ARMH4: variants seen among roughly 807,000 people sequenced by gnomAD.
ARMH4 encodes armadillo like helical domain containing 4.
ARMH4 carries 49 observed loss-of-function variants against 61.9 expected under a neutral mutation model. The observed-to-expected ratio is 0.79, with a 90% confidence interval of 0.63 to 1.00. The LOEUF is 1.00. Among genes scored for constraint, ARMH4 ranks in the 50% least tolerant of loss-of-function variants. The probability of loss-of-function intolerance (pLI) is 0.00; values close to 1 mark genes in which losing one functional copy is unlikely to be tolerated. For synonymous variants in ARMH4, 368 were observed against 341.5 expected (o/e 1.08, Z -0.85); for missense variants, 934 against 930.0 (o/e 1.00, Z -0.06).
At chr14:58,136,719 T>G (rs1887311951) in intron 2 of ARMH4, among the ~76,000 whole-genome samples, 1 of 152,198 alleles carries the variant, frequency 6.6e-6, no homozygotes, top group Non-Finnish European at 1.5e-5. Context: ...TACACTAAGC[T>G]TTTCCTTCCC....
intron 2 of ARMH4, among the ~76,000 whole-genome samples, chr14:58,133,949 T>G (rs570067628): frequency 6.6e-6 from 1 of 152,306 alleles, no homozygotes; most frequent in South Asian, 2.1e-4. Context: ...GAATGCAGGT[T>G]CCAGAGCCAA....
intron 5 of ARMH4, among the ~76,000 whole-genome samples, chr14:58,090,561 C>T (rs1331257529): frequency 1.3e-5 from 2 of 151,984 alleles, no homozygotes; most frequent in South Asian, 2.1e-4. Context: ...GGGGGATTCT[C>T]GAAAGGCTGC....
intron 4 of ARMH4, chr14:58,131,273 C>T (rs1887086226): frequency 2.2e-6 from 1 of 450,602 alleles, no homozygotes; most frequent in Non-Finnish European, 3.9e-6. Context: ...TTTTCTATGT[C>T]ACAAAATATT....
At chr14:58,096,116 A>G (rs1349867919) in intron 5 of ARMH4, among the ~76,000 whole-genome samples, 1 of 152,130 alleles carries the variant, frequency 6.6e-6, no homozygotes, top group Non-Finnish European at 1.5e-5. Flanking sequence ...AATAAGAGAG[A>G]GTGAGCATGG....
chr14:58,094,329 C>CAAAA lies in ARMH4; in HGVS notation c.2089+2391_2089+2394dup, dbSNP rs759288462. 1.7e-3 allele frequency among the ~76,000 whole-genome samples: 195 copies of CAAAA among 117,436 alleles called. 3 individuals are homozygous for CAAAA. The highest frequency in any genetic ancestry group is 4.8e-3 in the Middle Eastern group (1 of 208). The allele number at this position is 117,436 out of a possible 152,430, so 77.0% of individuals were successfully genotyped here. ...TGAGCAACAGAGTGAGACGCTTTCT[C>CAAAA]AAAAAAAAAAAAAAAGAACTTTAGC... On this transcript the variant is annotated intron_variant, in intron 5 of 7. Coordinates refer to ENST00000267485, the MANE Select transcript of ARMH4 (RefSeq NM_001001872.4).
At chr14:58,096,018 G>A (rs1455080836) in intron 5 of ARMH4, among the ~76,000 whole-genome samples, 1 of 152,290 alleles carries the variant, frequency 6.6e-6, no homozygotes, top group Non-Finnish European at 1.5e-5. Flanking sequence ...GGGACAGACT[G>A]GGGAGCTTCC....
At chr14:58,027,893 AC>A (rs1484408796) in intron 5 of ARMH4, among the ~76,000 whole-genome samples, 2 of 152,336 alleles carry the variant, frequency 1.3e-5, no homozygotes, top group East Asian at 3.9e-4. Context: ...CAAAGGCAGA[AC>A]TTTTCTGCCA....
At chr14:58,143,629 A>G (rs1887637027) in intron 1 of ARMH4, among the ~76,000 whole-genome samples, 1 of 151,640 alleles carries the variant, frequency 6.6e-6, no homozygotes, top group African/African-American at 2.4e-5. Context: ...ATGCCTGGCT[A>G]GTTTTTGTAT....
rs1215480933 is a variant in ARMH4, at chr14:58,001,514, C to A, written c.*3222G>T. Reference sequence around the variant, plus strand: ...CCACAGTGGCTATCCATTTTACATTCCCACCCACAGTATACAAGGATTCCA... The same window carrying A: ...CCACAGTGGCTATCCATTTTACATTACCACCCACAGTATACAAGGATTCCA... On this transcript the variant is annotated 3_prime_UTR_variant, in exon 8 of 8. Transcript: ENST00000267485. 1 of 152,096 alleles carries A rather than the reference C, an allele frequency of 6.6e-6. No individual in the cohort carries two copies. The highest frequency in any genetic ancestry group is 1.5e-5 in the Non-Finnish European group (1 of 68,004). The allele number at this position is 152,096 out of a possible 1,614,324, so 9.4% of individuals were successfully genotyped here.
At chr14:58,006,603 A>T (rs989095333) in intron 6 of ARMH4, among the ~76,000 whole-genome samples, 1 of 152,208 alleles carries the variant, frequency 6.6e-6, no homozygotes, top group Non-Finnish European at 1.5e-5. Context: ...TGAGAACAAT[A>T]GCACTGTTCC....
At chr14:58,129,167 C>A (rs1887001896) in intron 4 of ARMH4, among the ~76,000 whole-genome samples, 1 of 152,220 alleles carries the variant, frequency 6.6e-6, no homozygotes, top group East Asian at 1.9e-4. Flanking sequence ...CTCATACCCC[C>A]TCTCAGTCAT....
At position 58,096,887 on chromosome 14, in the gene ARMH4, C is replaced by T. The variant is rs768802446; in HGVS notation, c.1926G>A (p.Ser642=). ...TGTCACCATCCAAGCCCTCATCCAG[C>T]GAGTCTGCATCTTTATCTTCCTCAT... ...EEDEEDKDAD[S]LDEGLDGDTE... Residue 642 remains serine, a synonymous_variant, in exon 5 of 8, where the codon TCG becomes TCA. Coordinates refer to ENST00000267485, the MANE Select transcript of ARMH4 (RefSeq NM_001001872.4). 1.1e-5 allele frequency: 18 copies of T among 1,614,128 alleles called. No individual in the cohort carries two copies. The highest frequency in any genetic ancestry group is 8.8e-5 in the South Asian group (8 of 91,078).
At chr14:58,024,475 T>G (rs945402342) in intron 5 of ARMH4, among the ~76,000 whole-genome samples, 1 of 152,200 alleles carries the variant, frequency 6.6e-6, no homozygotes, top group Non-Finnish European at 1.5e-5. Context: ...ATGTTGTGGC[T>G]GATTTGATCT....
chr14:58,053,038 T>C (rs781147389), intron 5 of ARMH4, among the ~76,000 whole-genome samples: 10 of 152,184 alleles, frequency 6.6e-5, no homozygotes, highest in Non-Finnish European at 1.3e-4. Context: ...CAAGATCTTT[T>C]GATCCTACCT....
intron 5 of ARMH4, among the ~76,000 whole-genome samples, 167 bp downstream of exon 5, chr14:58,096,557 C>T (rs376918576): frequency 6.3e-4 from 96 of 152,186 alleles, no homozygotes; most frequent in African/African-American, 1.7e-3. Flanking sequence ...GTTATTTCTT[C>T]GGTGAGTTTA....
intron 5 of ARMH4, among the ~76,000 whole-genome samples, chr14:58,050,211 C>T (rs1161792189): frequency 1.3e-5 from 2 of 152,212 alleles, no homozygotes; most frequent in Non-Finnish European, 2.9e-5. Flanking sequence ...AAAGCAAATG[C>T]TGTTAGGGCA....
chr14:58,098,839 T>C (rs971388924), intron 4 of ARMH4, among the ~76,000 whole-genome samples: 2 of 152,062 alleles, frequency 1.3e-5, no homozygotes, highest in African/African-American at 4.8e-5. Context: ...AGTACTGACT[T>C]ATATTTTTAA....
chr14:58,077,852 T>C (rs762505805), intron 5 of ARMH4, among the ~76,000 whole-genome samples: 34 of 152,214 alleles, frequency 2.2e-4, no homozygotes, highest in Non-Finnish European at 2.8e-4. Flanking sequence ...TAAAACCACA[T>C]TGCTACTTAA....
chr14:58,053,783 C>T (rs1048568911), intron 5 of ARMH4, among the ~76,000 whole-genome samples: 8 of 152,162 alleles, frequency 5.3e-5, no homozygotes, highest in African/African-American at 7.2e-5. Context: ...ATCCTCGCCT[C>T]GCCTCCATAA....
Sources: allele counts gnomAD v4.1 joint callset (sites outside exome capture counted in the v4.1 genomes callset), GRCh38; gene constraint gnomAD v4.1.1; transcripts MANE v1.5; gene names NCBI Gene and HGNC (gene_info 2026-07-23, HGNC 2026-07-21).